The following SSBP2 variants were observed in gnomAD, a reference collection of about 807,000 sequenced individuals.
The protein encoded by SSBP2 is single stranded DNA binding protein 2, also known as single-stranded DNA-binding protein 2.
In SSBP2, 17 loss-of-function variants were observed where a neutral mutation model predicts 61.8. The observed-to-expected ratio is 0.28, with a 90% CI of 0.19 to 0.41. The LOEUF (loss-of-function observed/expected upper bound fraction) is 0.41. Ranked by LOEUF, SSBP2 falls within the 10% of genes least tolerant of loss-of-function variation. The pLI is 1.00. For synonymous variants in SSBP2, 139 were observed against 141.3 expected, an observed-to-expected ratio of 0.98 and a Z score of 0.12; for missense variants, 310 against 458.7, an observed-to-expected ratio of 0.68 and a Z score of 2.96.
intron 4 of SSBP2, among the ~76,000 whole-genome samples, chr5:81,613,091 C>T (rs937815617): frequency 6.6e-6 from 1 of 151,820 alleles, no homozygotes; most frequent in Non-Finnish European, 1.5e-5. Flanking sequence ...TTTCACCAGC[C>T]TCCAATTAAA....
chr5:81,622,916 C>A (rs1746748003), intron 3 of SSBP2, among the ~76,000 whole-genome samples: 1 of 152,184 alleles, frequency 6.6e-6, no homozygotes, highest in South Asian at 2.1e-4. Context: ...ATTTCCTTCT[C>A]AATTTCTATA....
At chr5:81,738,022 C>T (rs1381781928) in intron 1 of SSBP2, among the ~76,000 whole-genome samples, 13 of 152,314 alleles carry the variant, frequency 8.5e-5, no homozygotes, top group Admixed American at 3.9e-4. Flanking sequence ...TTTCCTCACA[C>T]TTTCTCCCTG....
intron 15 of SSBP2, among the ~76,000 whole-genome samples, chr5:81,434,607 G>C (rs1234932459): frequency 8.0e-6 from 1 of 124,844 alleles, no homozygotes; most frequent in Non-Finnish European, 1.6e-5. Context: ...ACTCCAGCCT[G>C]GGCAACAAGA....
intron 1 of SSBP2, among the ~76,000 whole-genome samples, chr5:81,688,608 A>C (rs979868658): frequency 6.6e-6 from 1 of 152,190 alleles, no homozygotes; most frequent in East Asian, 1.9e-4. Context: ...AAAAAGAATA[A>C]GAGTTTCCAC....
chr5:81,740,721 T>C (rs1050849284), intron 1 of SSBP2, among the ~76,000 whole-genome samples: 2 of 152,206 alleles, frequency 1.3e-5, no homozygotes, highest in African/African-American at 4.8e-5. Flanking sequence ...GGTTACAGAA[T>C]GAGAAACAGC....
chr5:81,511,731 T>C (rs1199374828), intron 5 of SSBP2, among the ~76,000 whole-genome samples: 1 of 152,172 alleles, frequency 6.6e-6, no homozygotes, highest in African/African-American at 2.4e-5. Flanking sequence ...ACAACACATA[T>C]TTCACTGTAT....
intron 5 of SSBP2, among the ~76,000 whole-genome samples, chr5:81,503,935 G>A (rs891805110): frequency 1.3e-5 from 2 of 152,136 alleles, no homozygotes; most frequent in African/African-American, 4.8e-5. Context: ...GCTAAATGAT[G>A]AGAACTCATG....
At chr5:81,611,191 C>A (rs1745406504) in intron 4 of SSBP2, among the ~76,000 whole-genome samples, 1 of 152,136 alleles carries the variant, frequency 6.6e-6, no homozygotes, top group Non-Finnish European at 1.5e-5. Context: ...AACCTCTAAT[C>A]TCAGTTGTCA....
intron 10 of SSBP2, among the ~76,000 whole-genome samples, chr5:81,453,456 CTTTT>C (rs34761912): frequency 5.4e-5 from 6 of 112,126 alleles, no homozygotes; most frequent in Non-Finnish European, 6.9e-5. Flanking sequence ...TGGGTTTATT[CTTTT>C]TTTTTTTTTT....
intron 4 of SSBP2, among the ~76,000 whole-genome samples, chr5:81,524,111 C>T (rs1769721611): frequency 6.6e-6 from 1 of 151,986 alleles, no homozygotes; most frequent in Non-Finnish European, 1.5e-5. Flanking sequence ...TAATTATAGT[C>T]ATCCCTTAGG....
At chr5:81,539,170 T>TTATC (rs1771048056) in intron 4 of SSBP2, among the ~76,000 whole-genome samples, 2 of 152,302 alleles carry the variant, frequency 1.3e-5, no homozygotes, top group Admixed American at 1.3e-4. Flanking sequence ...AGTTTGGAAG[T>TTATC]AGTTGATTCC....
intron 1 of SSBP2, among the ~76,000 whole-genome samples, chr5:81,749,510 T>A (rs1757574929): frequency 6.6e-6 from 1 of 152,208 alleles, no homozygotes; most frequent in Non-Finnish European, 1.5e-5. Context: ...CAGCTATTTC[T>A]GTGCGCAAGG....
At chr5:81,574,295 G>T (rs924513619) in intron 4 of SSBP2, among the ~76,000 whole-genome samples, 1 of 151,958 alleles carries the variant, frequency 6.6e-6, no homozygotes, top group African/African-American at 2.4e-5. Flanking sequence ...TTAAGACTCA[G>T]TGGATGGATT....
chr5:81,422,890 T>C (rs1761698654), intron 16 of SSBP2, among the ~76,000 whole-genome samples: 1 of 152,256 alleles, frequency 6.6e-6, no homozygotes, highest in Non-Finnish European at 1.5e-5. Flanking sequence ...ACAAACATGA[T>C]ACCATTTAAT....
chr5:81,423,739 C>T (rs531913333), intron 16 of SSBP2, among the ~76,000 whole-genome samples: 4 of 149,804 alleles, frequency 2.7e-5, no homozygotes, highest in South Asian at 2.1e-4. Context: ...AGCAAGACTC[C>T]GTCTCAAAAA....
intron 6 of SSBP2, among the ~76,000 whole-genome samples, chr5:81,480,319 T>C (rs2154030576): frequency 6.6e-6 from 1 of 152,308 alleles, no homozygotes; most frequent in Middle Eastern, 3.4e-3. Flanking sequence ...AAAGTGAATA[T>C]CACATTAAGT....
intron 1 of SSBP2, among the ~76,000 whole-genome samples, chr5:81,686,862 AAAAAAAAAAAGAAAAGAAAAG>A (rs1369801677): frequency 1.8e-5 from 2 of 112,748 alleles, no homozygotes; most frequent in African/African-American, 7.4e-5. Flanking sequence ...CTCAAAAAAA[AAAAAAAAAAAGAAAAGAAAAG>A]AAAAGAAAAG....
At chr5:81,608,067 T>C (rs900382341) in intron 4 of SSBP2, among the ~76,000 whole-genome samples, 30 of 152,174 alleles carry the variant, frequency 2.0e-4, no homozygotes, top group Non-Finnish European at 4.0e-4. Flanking sequence ...CACACCTTTC[T>C]ATCCCCAGGC....
Position 81,413,903 on chromosome 5 carries a change from A to G in SSBP2, c.*6601T>C, listed in dbSNP as rs1220300723. On this transcript the variant is annotated 3_prime_UTR_variant, in exon 17 of 17. Coordinates refer to ENST00000320672, the MANE Select transcript of SSBP2 (RefSeq NM_012446.5). ...GACATGATGGAAAGTTAGCTGACAA[A>G]TATCATATTGTGTTCTGAGTACTGT... 6.6e-6 allele frequency: 1 copy of G among 152,178 alleles called. No homozygotes were observed. Among genetic ancestry groups the G allele is most frequent in the Admixed American group, 6.5e-5 (1 of 15,280 alleles). The allele number at this position is 152,178 out of a possible 1,614,324, so 9.4% of individuals were successfully genotyped here. A position where few individuals can be genotyped will look rare whatever the true frequency, so the allele number is the denominator to read the frequency against.
Sources: allele counts gnomAD v4.1 joint callset (sites outside exome capture counted in the v4.1 genomes callset), GRCh38; gene constraint gnomAD v4.1.1; transcripts MANE v1.5; gene names NCBI Gene and HGNC (gene_info 2026-07-23, HGNC 2026-07-21).